The following ZC3HAV1 variants were observed in gnomAD, a reference collection of about 807,000 sequenced individuals.
The protein encoded by ZC3HAV1 is zinc finger CCCH-type containing, antiviral 1.
ZC3HAV1 carries 41 observed loss-of-function variants against 86.6 expected under a neutral mutation model. That is an observed-to-expected ratio of 0.47 (90% confidence interval 0.37 to 0.61). The LOEUF is 0.61. Among genes scored for constraint, ZC3HAV1 ranks in the 20% least tolerant of loss-of-function variants. ZC3HAV1 has a pLI of 0.00. For missense variants in ZC3HAV1, 964 were observed against 1,141.1 expected (o/e 0.84, Z 2.24); for synonymous variants, 421 against 432.1 (o/e 0.97, Z 0.32).
chr7:139,065,388 C>T (rs995051929), intron 7 of ZC3HAV1, among the ~76,000 whole-genome samples: 34 of 152,190 alleles, frequency 2.2e-4, no homozygotes, highest in Non-Finnish European at 1.2e-4. Context: ...AATAGAACAT[C>T]GTGGGCTATT....
At chr7:139,055,415 G>T in intron 9 of ZC3HAV1, 120 bp from the exon 10 acceptor site, 2 of 737,142 alleles carry the variant, frequency 2.7e-6, no homozygotes, top group South Asian at 2.2e-5. Context: ...ATTTATTTCT[G>T]TATTTTTCTC....
At chr7:139,107,904 G>A (rs570324353) in intron 1 of ZC3HAV1, among the ~76,000 whole-genome samples, 30 of 152,196 alleles carry the variant, frequency 2.0e-4, no homozygotes, top group Non-Finnish European at 4.3e-4. Context: ...AGAAAGGGTG[G>A]GAGGAAAGAC....
chr7:139,065,311 T>A (rs1816566097), intron 7 of ZC3HAV1, among the ~76,000 whole-genome samples: 1 of 152,162 alleles, frequency 6.6e-6, no homozygotes, highest in African/African-American at 2.4e-5. Context: ...GCAACTTGCA[T>A]CCCCTCTTTT....
chr7:139,081,121 C>T (rs550968810), intron 3 of ZC3HAV1, among the ~76,000 whole-genome samples: 2 of 152,030 alleles, frequency 1.3e-5, no homozygotes, highest in South Asian at 2.1e-4. Context: ...TGTTTGTGAG[C>T]GCGTGTGGAG....
Position 139,091,221 on chromosome 7 carries a change from C to T in ZC3HAV1, c.309-1462G>A, listed in dbSNP as rs529686229. Among the ~76,000 whole-genome samples, 5 of 152,304 alleles carry T rather than the reference C, an allele frequency of 3.3e-5. No individual in the cohort carries two copies. The East Asian group carries it at 5.8e-4, about 18-fold the overall frequency. On this transcript the variant is annotated intron_variant, in intron 1 of 12. Transcript: ENST00000242351. ...TGAAAAGTAATCCCCTCCAGCAGGC[C>T]AGGCGCGGTGGCTCATGCCTGTAAT...
intron 7 of ZC3HAV1, among the ~76,000 whole-genome samples, chr7:139,070,587 A>C (rs1237314591): frequency 6.3e-5 from 9 of 141,770 alleles, no homozygotes; most frequent in Non-Finnish European, 1.0e-4. Flanking sequence ...TGGCGTGAAC[A>C]CGGGAGGCGG....
At position 139,047,708 on chromosome 7, in the gene ZC3HAV1, G is replaced by A. The variant is rs1229282176; in HGVS notation, c.2595C>T (p.Asp865=). Residue 865 remains aspartate (D), a synonymous_variant, in exon 13 of 13, where the codon GAC becomes GAT. Coordinates refer to ENST00000242351, the MANE Select transcript of ZC3HAV1 (RefSeq NM_020119.4). ...ITYTSPPPQF[D]SCVDTRSNPS... The stretch of plus-strand genomic sequence containing the variant: ...GATTCGATCTGGTATCCACACAGCT[G>A]TCGAACTGTGGAGGAGGGCTCGTGT... The A allele has an allele frequency of 6.2e-7, 1 of 1,614,140 alleles. No individual in the cohort carries two copies. Among genetic ancestry groups the A allele is most frequent in the Admixed American group, 1.7e-5 (1 of 60,018 alleles).
chr7:139,099,433 G>C (rs1447515874), intron 1 of ZC3HAV1, among the ~76,000 whole-genome samples: 6 of 152,136 alleles, frequency 3.9e-5, no homozygotes, highest in Non-Finnish European at 7.4e-5. Flanking sequence ...AGTGAAAGAA[G>C]CAGACACAAA....
intron 8 of ZC3HAV1, among the ~76,000 whole-genome samples, chr7:139,062,488 C>T (rs752163410): frequency 6.6e-6 from 1 of 152,250 alleles, no homozygotes; most frequent in Non-Finnish European, 1.5e-5. Flanking sequence ...ACTGACTCCT[C>T]CATTTTCTGG....
chr7:139,109,344 G>C lies in ZC3HAV1; in HGVS notation c.-13C>G. On this transcript the variant is annotated 5_prime_UTR_variant, in exon 1 of 13. Coordinates refer to ENST00000242351, the MANE Select transcript of ZC3HAV1 (RefSeq NM_020119.4). Reference sequence around the variant, plus strand: ...CCGGGTCCGCCATGGCGCGCTGGCTGTGCTGGCTCTGCCGCGGCGCGGGAC... The same window carrying C: ...CCGGGTCCGCCATGGCGCGCTGGCTCTGCTGGCTCTGCCGCGGCGCGGGAC... 6.4e-7 allele frequency: 1 copy of C among 1,562,762 alleles called. No individual in the cohort carries two copies. The highest frequency in any genetic ancestry group is 1.2e-5 in the South Asian group (1 of 85,348).
At position 139,105,819 on chromosome 7, in the gene ZC3HAV1, A is replaced by C. The variant is rs886902780; in HGVS notation, c.308+3205T>G. Among the ~76,000 whole-genome samples the C allele has an allele frequency of 6.4e-4, 98 of 152,312 alleles. 1 individual carries two copies. Among genetic ancestry groups the C allele is most frequent in the African/African-American group, 2.3e-3 (95 of 41,568 alleles). On this transcript the variant is annotated intron_variant, in intron 1 of 12. Coordinates refer to ENST00000242351, the MANE Select transcript of ZC3HAV1 (RefSeq NM_020119.4). ...AAAGTTCTTAAACTCACAAGTGGCA[A>C]GTTTTGGAAGACAAGGTTTTATTAC...
chr7:139,084,734 T>A (rs1265646222), intron 2 of ZC3HAV1, among the ~76,000 whole-genome samples: 1 of 152,236 alleles, frequency 6.6e-6, no homozygotes, highest in African/African-American at 2.4e-5. Context: ...AAAACCAAGT[T>A]GTTAAGCAGA....
intron 7 of ZC3HAV1, among the ~76,000 whole-genome samples, chr7:139,067,074 T>C (rs545615684): frequency 3.2e-4 from 49 of 152,260 alleles, no homozygotes; most frequent in African/African-American, 1.2e-3. Context: ...ACTAGAACAT[T>C]CTGTGGTGAT....
intron 12 of ZC3HAV1, among the ~76,000 whole-genome samples, chr7:139,049,144 CGTT>C (rs55899318): frequency 1.0e-4 from 9 of 86,448 alleles, no homozygotes; most frequent in African/African-American, 1.8e-4. Flanking sequence ...TTTTTTTTTT[CGTT>C]GTTGTTGTTG....
In ZC3HAV1 at chr7:139,055,254, G is replaced by C. The variant is rs1214374312; in HGVS notation, c.2138C>G (p.Thr713Ser). The C allele has an allele frequency of 1.2e-6, 2 of 1,613,348 alleles. No individual in the cohort carries two copies. The highest frequency in any genetic ancestry group is 4.5e-5 in the East Asian group (2 of 44,880). ...AKTSSVSLTA[T>S]FRPQEDFCFL... ...GCAAAAGTCCTCCTGAGGACGAAAGGTCGCAGTTAAAGACACTGACGAGGT... is the reference window on the plus strand; with the variant it reads ...GCAAAAGTCCTCCTGAGGACGAAAGCTCGCAGTTAAAGACACTGACGAGGT... Residue 713 changes from threonine to serine, a missense_variant, in exon 10 of 13, where the codon ACC becomes AGC. Coordinates refer to ENST00000242351, the MANE Select transcript of ZC3HAV1 (RefSeq NM_020119.4).
At chr7:139,057,020 A>G (rs993473579) in intron 9 of ZC3HAV1, among the ~76,000 whole-genome samples, 4 of 152,162 alleles carry the variant, frequency 2.6e-5, no homozygotes, top group African/African-American at 9.7e-5. Context: ...AAATGATAAC[A>G]TGTATTGGAT....
At position 139,053,433 on chromosome 7, in the gene ZC3HAV1, C is replaced by T; in HGVS notation, c.2449+18G>A. 1 of 1,562,276 alleles carries T rather than the reference C, an allele frequency of 6.4e-7. No individual in the cohort carries two copies. The highest frequency in any genetic ancestry group is 1.2e-5 in the South Asian group (1 of 82,632). ...AGTTATGACTCTACTAGTTACGCTT[C>T]TCTATCCCGGCACTAACCTTTTCCG... On this transcript the variant is annotated intron_variant, in intron 12 of 12. Transcript: ENST00000242351.
At chr7:139,099,625 C>T (rs1463509604) in intron 1 of ZC3HAV1, among the ~76,000 whole-genome samples, 3 of 152,136 alleles carry the variant, frequency 2.0e-5, no homozygotes, top group African/African-American at 4.8e-5. Flanking sequence ...GTAACAGTTG[C>T]ACAACATCAT....
intron 1 of ZC3HAV1, among the ~76,000 whole-genome samples, chr7:139,090,436 T>C (rs1263942161): frequency 6.6e-6 from 1 of 152,152 alleles, no homozygotes; most frequent in African/African-American, 2.4e-5. Flanking sequence ...AATATGTCAA[T>C]TTCCATAAAA....
Sources: allele counts gnomAD v4.1 joint callset (sites outside exome capture counted in the v4.1 genomes callset), GRCh38; gene constraint gnomAD v4.1.1; transcripts MANE v1.5; gene names NCBI Gene and HGNC (gene_info 2026-07-23, HGNC 2026-07-21).